The following RAP1B variants were observed in gnomAD, a reference collection of about 807,000 sequenced individuals.
The protein encoded by RAP1B is ras-related protein Rap-1b.
A neutral mutation model predicts 27.5 loss-of-function variants in RAP1B; 1 was observed. The observed-to-expected ratio is 0.04, with a 90% confidence interval of 0.01 to 0.17. RAP1B has a LOEUF of 0.17. Ranked by LOEUF, RAP1B falls within the 10% of genes least tolerant of loss-of-function variation. The pLI is 1.00. For synonymous variants in RAP1B, 75 were observed against 73.1 expected, an observed-to-expected ratio of 1.03 and a Z score of -0.13; for missense variants, 84 against 214.8, an observed-to-expected ratio of 0.39 and a Z score of 3.81.
chr12:68,658,284 A>G (rs1433263520), intron 7 of RAP1B, among the ~76,000 whole-genome samples: 2 of 152,096 alleles, frequency 1.3e-5, no homozygotes, highest in Non-Finnish European at 2.9e-5. Context: ...TCTCATTCTA[A>G]TATCCTATAA....
intron 4 of RAP1B, 116 bp downstream of exon 4, chr12:68,652,167 C>A (rs879233958): frequency 1.3e-6 from 1 of 769,290 alleles, no homozygotes; most frequent in Non-Finnish European, 2.1e-6. Flanking sequence ...TGCTTGCAGC[C>A]GGTTGTAGTG....
At chr12:68,654,304 T>G in intron 5 of RAP1B, 52 bp downstream of exon 5, 1 of 1,078,932 alleles carries the variant, frequency 9.3e-7, no homozygotes, top group Non-Finnish European at 1.2e-6. Context: ...TGATTATAAT[T>G]GTTTAAGTCT....
intron 6 of RAP1B, 85 bp downstream of exon 6, chr12:68,656,534 A>G (rs1279998063): frequency 2.2e-6 from 3 of 1,354,242 alleles, no homozygotes; most frequent in Admixed American, 3.4e-5. Flanking sequence ...CCAAGTTAAT[A>G]TGTACTCAGG....
intron 4 of RAP1B, among the ~76,000 whole-genome samples, chr12:68,653,546 T>C (rs1392496908): frequency 6.6e-6 from 1 of 152,200 alleles, no homozygotes; most frequent in Non-Finnish European, 1.5e-5. Flanking sequence ...AAAGCTGCCT[T>C]TAGTAACTTT....
intron 1 of RAP1B, among the ~76,000 whole-genome samples, chr12:68,622,152 C>T (rs1357183168): frequency 6.6e-6 from 1 of 152,164 alleles, no homozygotes; most frequent in Non-Finnish European, 1.5e-5. Flanking sequence ...CTCTTAGGAC[C>T]TTATCTTTAT....
At chr12:68,648,886 G>T (rs1873613599) in intron 2 of RAP1B, 105 bp downstream of exon 2, 1 of 986,790 alleles carries the variant, frequency 1.0e-6, no homozygotes, top group Non-Finnish European at 1.5e-6. Flanking sequence ...ATTCCTTAAT[G>T]ACTTTAGAAG....
At chr12:68,657,247 T>C in intron 7 of RAP1B, 30 bp downstream of exon 7, 1 of 1,415,708 alleles carries the variant, frequency 7.1e-7, no homozygotes, top group Non-Finnish European at 9.9e-7. Context: ...CTCTAACTTT[T>C]AATCACTCAA....
At position 68,665,057 on chromosome 12, in the gene RAP1B, G is replaced by A. The variant is rs1874790905; in HGVS notation, c.*5808G>A. 1 of 152,206 alleles carries A rather than the reference G, an allele frequency of 6.6e-6. No individual in the cohort carries two copies. The highest frequency in any genetic ancestry group is 1.5e-5 in the Non-Finnish European group (1 of 68,048). 9.4% of individuals were successfully genotyped at this position (152,206 alleles called of 1,614,324 possible). ...TAATCCCAGCTGCTTGGGAGGCTGA[G>A]GTAGGAGGAACTCTTGAGCTCCGGT... is the stretch of plus-strand genomic sequence containing the variant. On this transcript the variant is annotated 3_prime_UTR_variant, in exon 8 of 8. Coordinates refer to ENST00000250559, the MANE Select transcript of RAP1B (RefSeq NM_001010942.3).
At chr12:68,617,493 G>A (rs1263284523) in intron 1 of RAP1B, among the ~76,000 whole-genome samples, 13 of 152,136 alleles carry the variant, frequency 8.5e-5, no homozygotes, top group Non-Finnish European at 1.0e-4. Context: ...ATAGTGTACT[G>A]ATTTGTATTT....
intron 1 of RAP1B, among the ~76,000 whole-genome samples, chr12:68,611,645 G>C (rs989650428): frequency 6.6e-6 from 1 of 152,156 alleles, no homozygotes; most frequent in Non-Finnish European, 1.5e-5. Context: ...GGGCTTGCTT[G>C]CTCCATTTGT....
At chr12:68,642,721 G>A (rs887237446) in intron 1 of RAP1B, 127 of 1,093,390 alleles carry the variant, frequency 1.2e-4, no homozygotes, top group African/African-American at 8.5e-4. Flanking sequence ...CTTTTTCTTC[G>A]GCATCCACCT....
chr12:68,641,332 A>G (rs568165145), intron 1 of RAP1B, among the ~76,000 whole-genome samples: 20 of 152,324 alleles, frequency 1.3e-4, no homozygotes. Flanking sequence ...CATTTCAAAC[A>G]GTTATGAAGC....
At chr12:68,655,092 C>T (rs1423395529) in intron 5 of RAP1B, among the ~76,000 whole-genome samples, 1 of 152,102 alleles carries the variant, frequency 6.6e-6, no homozygotes, top group African/African-American at 2.4e-5. Context: ...GGGTAGATCC[C>T]CTGAGCTCAG....
Position 68,655,815 on chromosome 12 carries a change from C to T in RAP1B, c.325-491C>T, listed in dbSNP as rs1479799726. 5.9e-5 allele frequency among the ~76,000 whole-genome samples: 9 copies of T among 152,266 alleles called. No homozygotes were observed. In the East Asian group the frequency reaches 7.7e-4, roughly 13 times the overall value. ...CCTCCCAAAGTGCTGGGATTACAGG[C>T]GTGAGCCACTGTGCCTGGCCTTGAT... On this transcript the variant is annotated intron_variant, in intron 5 of 7. Transcript: ENST00000250559.
At position 68,657,381 on chromosome 12, in the gene RAP1B, TATC is replaced by T. The variant is rs571014907; in HGVS notation, c.*30+170_*30+172del. The T allele has an allele frequency of 2.1e-4, 102 of 481,912 alleles. 1 individual carries two copies. The South Asian group carries it at 3.0e-3, about 14-fold the overall frequency. The allele number at this position is 481,912 out of a possible 1,614,324, so 29.9% of individuals were successfully genotyped here. The stretch of plus-strand genomic sequence containing the variant: ...TATGCTATCTTATTAATTATTTACT[TATC>T]ATCATGAGTAAAGTATTTCACATAA... On this transcript the variant is annotated intron_variant, in intron 7 of 7. Coordinates refer to ENST00000250559, the MANE Select transcript of RAP1B (RefSeq NM_001010942.3).
rs1273390108 is a variant in RAP1B, at chr12:68,664,257, A to T, written c.*5008A>T. 6.6e-6 allele frequency: 1 copy of T among 152,194 alleles called. No homozygotes were observed. The highest frequency in any genetic ancestry group is 1.5e-5 in the Non-Finnish European group (1 of 68,036). The allele number at this position is 152,194 out of a possible 1,614,324, so 9.4% of individuals were successfully genotyped here. On this transcript the variant is annotated 3_prime_UTR_variant, in exon 8 of 8. Transcript: ENST00000250559. ...ATCAAAAGCCTCTAATGTTTTTGTC[A>T]TCCGCCATTATTACCCATTCAAATT...
intron 1 of RAP1B, among the ~76,000 whole-genome samples, chr12:68,636,044 ATT>A (rs751155194): frequency 7.1e-6 from 1 of 141,680 alleles, no homozygotes; most frequent in Non-Finnish European, 1.6e-5. Flanking sequence ...ACATTCGAGT[ATT>A]TTTTTTTTTT....
Position 68,614,291 on chromosome 12 carries a change from A to G in RAP1B, c.-27+3248A>G, listed in dbSNP as rs147567292. Reference sequence around the variant, plus strand: ...GTCCATTTACTTTTTCCCCATAAGTATTGTTTAAATAGGCTGTTTTATTAT... The same window carrying G: ...GTCCATTTACTTTTTCCCCATAAGTGTTGTTTAAATAGGCTGTTTTATTAT... On this transcript the variant is annotated intron_variant, in intron 1 of 7. Transcript: ENST00000250559. Among the ~76,000 whole-genome samples the G allele has an allele frequency of 1.3e-3, 191 of 152,312 alleles. 1 individual carries two copies. The highest frequency in any genetic ancestry group is 6.8e-3 in the Middle Eastern group (2 of 294).
rs1453051585 is a variant in RAP1B, at chr12:68,660,114, A to G, written c.*865A>G. On this transcript the variant is annotated 3_prime_UTR_variant, in exon 8 of 8. Transcript: ENST00000250559. ...TGAATCCCTTGCTTGCTCATGCATA[A>G]GTGTATTTGCAATACCAAATATACA... 1 of 118,404 alleles carries G rather than the reference A, an allele frequency of 8.4e-6. No homozygotes were observed. Among genetic ancestry groups the G allele is most frequent in the African/African-American group, 3.4e-5 (1 of 29,240 alleles). The allele number at this position is 118,404 out of a possible 1,614,324, so 7.3% of individuals were successfully genotyped here. A position where few individuals can be genotyped will look rare whatever the true frequency, so the allele number is the denominator to read the frequency against.
Sources: gnomAD v4.1 joint callset for allele counts (sites outside exome capture counted in the v4.1 genomes callset) on GRCh38, gnomAD v4.1.1 for gene constraint, MANE v1.5 for transcripts, NCBI Gene and HGNC (gene_info 2026-07-23, HGNC 2026-07-21) for gene names.